The following FUT9 variants were observed in gnomAD, a reference collection of about 807,000 sequenced individuals.
FUT9 encodes 4-galactosyl-N-acetylglucosaminide 3-alpha-L-fucosyltransferase 9.
Under a neutral mutation model 29.7 loss-of-function variants are expected in FUT9, and 15 were observed. The observed-to-expected ratio is 0.51, with a 90% CI of 0.34 to 0.78. The LOEUF (loss-of-function observed/expected upper bound fraction) is 0.78, where lower values mean the gene tolerates loss of function less well. Among genes scored for constraint, FUT9 ranks in the 30% least tolerant of loss-of-function variants. The probability of loss-of-function intolerance (pLI) is 0.01; values close to 1 mark genes in which losing one functional copy is unlikely to be tolerated. For missense variants in FUT9, 319 were observed against 425.4 expected, an observed-to-expected ratio of 0.75 and a Z score of 2.20; for synonymous variants, 169 against 153.7, an observed-to-expected ratio of 1.10 and a Z score of -0.74.
intron 1 of FUT9, among the ~76,000 whole-genome samples, chr6:96,085,787 C>T (rs1238338390): frequency 1.3e-5 from 2 of 152,128 alleles, no homozygotes; most frequent in Non-Finnish European, 2.9e-5. Context: ...TCTATCTCCA[C>T]AATGTACTCT....
At chr6:96,200,570 G>T (rs1460664576) in intron 2 of FUT9, among the ~76,000 whole-genome samples, 2 of 152,036 alleles carry the variant, frequency 1.3e-5, no homozygotes, top group Non-Finnish European at 2.9e-5. Context: ...ATTAAATGGT[G>T]GCTATTTCAT....
intron 1 of FUT9, among the ~76,000 whole-genome samples, chr6:96,113,405 A>G (rs1029874774): frequency 1.3e-5 from 2 of 151,646 alleles, no homozygotes; most frequent in African/African-American, 4.8e-5. Flanking sequence ...CACCCAGCTA[A>G]TTTTTGTATT....
At chr6:96,111,597 C>A (rs1002731710) in intron 1 of FUT9, among the ~76,000 whole-genome samples, 3 of 146,370 alleles carry the variant, frequency 2.0e-5, no homozygotes, top group African/African-American at 7.6e-5. Flanking sequence ...ATCTGAGTTA[C>A]CAAATAGATA....
At chr6:96,092,246 A>G (rs973379199) in intron 1 of FUT9, among the ~76,000 whole-genome samples, 2 of 152,162 alleles carry the variant, frequency 1.3e-5, no homozygotes, top group Admixed American at 1.3e-4. Flanking sequence ...AGCTGTATAA[A>G]TCTTTATGGG....
chr6:96,062,840 A>C (rs371933374), intron 1 of FUT9, among the ~76,000 whole-genome samples: 10 of 152,196 alleles, frequency 6.6e-5, no homozygotes, highest in Admixed American at 5.9e-4. Context: ...ACAAAACAAC[A>C]ACAAAACAAC....
At chr6:96,058,801 A>G (rs974870193) in intron 1 of FUT9, among the ~76,000 whole-genome samples, 5 of 152,122 alleles carry the variant, frequency 3.3e-5, no homozygotes, top group Admixed American at 1.3e-4. Flanking sequence ...TATAGTGATG[A>G]TATTATCTGT....
rs66491542 is a variant in FUT9, at chr6:96,111,540, A to AACACAC, written c.-97-2459_-97-2454dup. Among the ~76,000 whole-genome samples, 1,113 of 145,622 alleles carry AACACAC rather than the reference A, an allele frequency of 7.6e-3. 7 individuals carry two copies. The highest frequency in any genetic ancestry group is 9.5e-3 in the African/African-American group (370 of 38,860). On this transcript the variant is annotated intron_variant, in intron 1 of 2. Transcript: ENST00000302103. ...ATTAAATTATAACCATGATTTGGGA[A>AACACAC]ACACACACACACACACACACACACA...
chr6:96,185,643 T>C (rs765896289), intron 2 of FUT9, among the ~76,000 whole-genome samples: 1 of 152,140 alleles, frequency 6.6e-6, no homozygotes, highest in Non-Finnish European at 1.5e-5. Flanking sequence ...CCCATTTAGA[T>C]TTCAGAATTT....
At chr6:96,135,314 T>C (rs1420285457) in intron 2 of FUT9, among the ~76,000 whole-genome samples, 1 of 151,964 alleles carries the variant, frequency 6.6e-6, no homozygotes, top group Admixed American at 6.6e-5. Flanking sequence ...AGTAGAGGTA[T>C]TTCTTTAGTT....
At chr6:96,096,811 T>A in intron 1 of FUT9, among the ~76,000 whole-genome samples, 1 of 151,972 alleles carries the variant, frequency 6.6e-6, no homozygotes. Context: ...TTCTCCTTAC[T>A]TTTTTCACTG....
intron 1 of FUT9, among the ~76,000 whole-genome samples, chr6:96,028,935 GTTC>G (rs1770214392): frequency 6.6e-6 from 1 of 151,648 alleles, no homozygotes; most frequent in South Asian, 2.1e-4. Flanking sequence ...AACAGGAGGA[GTTC>G]TTCTTTTAAC....
rs79265242 is a variant in FUT9 at position 96,188,229 on chromosome 6, G to A, written c.-8-14919G>A. ...ATAGAAGTCTTTGCAACTGTTAACT[G>A]GAATCTTCATTTTCTCTCTCTTTTG... On this transcript the variant is annotated intron_variant, in intron 2 of 2. Coordinates refer to ENST00000302103, the MANE Select transcript of FUT9 (RefSeq NM_006581.4). 6.6e-4 allele frequency among the ~76,000 whole-genome samples: 100 copies of A among 151,974 alleles called. No homozygotes were observed. In the East Asian group the frequency reaches 0.018, roughly 27 times the overall value.
chr6:96,191,848 T>A (rs184518609), intron 2 of FUT9, among the ~76,000 whole-genome samples: 24 of 152,262 alleles, frequency 1.6e-4, no homozygotes, highest in Non-Finnish European at 2.6e-4. Flanking sequence ...AAAAAGCTTA[T>A]CTAACATGAC....
intron 1 of FUT9, among the ~76,000 whole-genome samples, chr6:96,107,344 G>A (rs1466861213): frequency 6.6e-6 from 1 of 152,070 alleles, no homozygotes; most frequent in Non-Finnish European, 1.5e-5. Context: ...GATTAAATAA[G>A]TCTTTAAAAA....
chr6:96,040,907 T>C (rs1770448540), intron 1 of FUT9, among the ~76,000 whole-genome samples: 1 of 152,056 alleles, frequency 6.6e-6, no homozygotes, highest in Admixed American at 6.6e-5. Context: ...TCTACTATTG[T>C]TTAAAGGGTT....
intron 2 of FUT9, among the ~76,000 whole-genome samples, chr6:96,168,243 A>C (rs1160180739): frequency 1.3e-5 from 2 of 152,182 alleles, no homozygotes; most frequent in Admixed American, 1.3e-4. Context: ...TCAAGCAGGC[A>C]TCTTCATATA....
chr6:96,134,943 C>G (rs919731043), intron 2 of FUT9, among the ~76,000 whole-genome samples: 1 of 151,848 alleles, frequency 6.6e-6, no homozygotes, highest in South Asian at 2.1e-4. Context: ...TATTTGTCCT[C>G]GGTCCCCCAT....
At chr6:96,170,538 A>G (rs1048486367) in intron 2 of FUT9, among the ~76,000 whole-genome samples, 52 of 105,968 alleles carry the variant, frequency 4.9e-4, no homozygotes, top group Non-Finnish European at 8.8e-4. Context: ...ATCAGAATAA[A>G]ATCCCTTTCA....
chr6:96,125,751 G>C (rs1322421916), intron 2 of FUT9, among the ~76,000 whole-genome samples: 1 of 152,022 alleles, frequency 6.6e-6, no homozygotes, highest in Non-Finnish European at 1.5e-5. Context: ...AATGCTACTT[G>C]GCCACTGCTT....
Sources: allele counts gnomAD v4.1 joint callset (sites outside exome capture counted in the v4.1 genomes callset), GRCh38; gene constraint gnomAD v4.1.1; transcripts MANE v1.5; gene names NCBI Gene and HGNC (gene_info 2026-07-23, HGNC 2026-07-21).